LRRFIP1: variants seen among roughly 807,000 people sequenced by gnomAD.
LRRFIP1 encodes LRR binding FLII interacting protein 1, also known as leucine-rich repeat flightless-interacting protein 1.
Under a neutral mutation model 104.4 loss-of-function variants are expected in LRRFIP1, and 62 were observed. The ratio of observed to expected loss-of-function variants is 0.59; its 90% confidence interval spans 0.48 to 0.73. The LOEUF (loss-of-function observed/expected upper bound fraction) is 0.73, where lower values mean the gene tolerates loss of function less well. LRRFIP1 is among the 30% of genes least tolerant of loss of function. LRRFIP1 has a pLI of 0.00. For missense variants in LRRFIP1, 796 were observed against 824.5 expected (o/e 0.97, Z 0.42); for synonymous variants, 300 against 299.0 (o/e 1.00, Z -0.03).
intron 11 of LRRFIP1, among the ~76,000 whole-genome samples, chr2:237,740,955 G>A (rs1288973630): frequency 1.3e-5 from 2 of 152,310 alleles, no homozygotes; most frequent in African/African-American, 2.4e-5. Flanking sequence ...GCATTGCAAC[G>A]CCAGCGCCTC....
In LRRFIP1 at chr2:237,771,560, CCCCCCG is replaced by C. The variant is rs377491617; in HGVS notation, c.1510-517_1510-512del. Reference sequence around the variant, plus strand: ...GGGGTCCTGGAACCAATCCCCCCCCCCCCCCGCCCAGATACCAAGGGACAACTGGAC... The same window carrying C: ...GGGGTCCTGGAACCAATCCCCCCCCCCCCAGATACCAAGGGACAACTGGAC... On this transcript the variant is annotated intron_variant, in intron 20 of 23. Transcript: ENST00000308482. Among the ~76,000 whole-genome samples the C allele has an allele frequency of 6.2e-4, 58 of 93,176 alleles. 2 individuals carry two copies. The highest frequency in any genetic ancestry group is 1.8e-3 in the African/African-American group (42 of 23,414). The allele number at this position is 93,176 out of a possible 152,430, so 61.1% of individuals were successfully genotyped here.
intron 1 of LRRFIP1, among the ~76,000 whole-genome samples, chr2:237,642,513 G>A (rs941106328): frequency 6.0e-5 from 9 of 148,952 alleles, no homozygotes; most frequent in Non-Finnish European, 1.0e-4. Flanking sequence ...TTCAGGTTCC[G>A]GGTTCCAGGC....
At chr2:237,744,610 G>A (rs538579209) in intron 11 of LRRFIP1, among the ~76,000 whole-genome samples, 8 of 152,344 alleles carry the variant, frequency 5.3e-5, no homozygotes, top group African/African-American at 1.7e-4. Flanking sequence ...GAAACTTGAC[G>A]TAAACTAAAC....
intron 3 of LRRFIP1, among the ~76,000 whole-genome samples, chr2:237,714,695 A>C (rs1271123321): frequency 6.6e-6 from 1 of 152,250 alleles, no homozygotes; most frequent in Non-Finnish European, 1.5e-5. Context: ...TATTGAGTTA[A>C]AAATCTGAGT....
chr2:237,756,064 A>G (rs747676366), intron 15 of LRRFIP1, 31 bp from the exon 16 acceptor site: 60 of 1,499,254 alleles, frequency 4.0e-5, no homozygotes, highest in Non-Finnish European at 5.5e-5. Context: ...ATGGGATTCC[A>G]CTGCTTTAGT....
intron 1 of LRRFIP1, among the ~76,000 whole-genome samples, chr2:237,646,000 G>C (rs535853161): frequency 6.6e-6 from 1 of 151,880 alleles, no homozygotes; most frequent in Non-Finnish European, 1.5e-5. Flanking sequence ...GTTCCTCGCC[G>C]TGGGGACTCT....
At chr2:237,639,716 CTTCAT>C (rs2083640596) in intron 1 of LRRFIP1, among the ~76,000 whole-genome samples, 1 of 152,176 alleles carries the variant, frequency 6.6e-6, no homozygotes, top group Admixed American at 6.5e-5. Flanking sequence ...TCTTCCAACT[CTTCAT>C]TTCAACATCT....
At chr2:237,737,960 A>G (rs1033311436) in intron 10 of LRRFIP1, among the ~76,000 whole-genome samples, 15 of 152,188 alleles carry the variant, frequency 9.9e-5, no homozygotes, top group Non-Finnish European at 1.9e-4. Flanking sequence ...AATGCTTTCA[A>G]TTGACATTTG....
At chr2:237,749,065 C>G in intron 12 of LRRFIP1, 134 bp from the exon 13 acceptor site, 3 of 841,886 alleles carry the variant, frequency 3.6e-6, no homozygotes, top group East Asian at 2.8e-5. Flanking sequence ...GGGAAACTGC[C>G]CCCGTGATCC....
chr2:237,757,458 A>T lies in LRRFIP1; in HGVS notation c.1134A>T (p.Glu378Asp), dbSNP rs1316304698. 2.5e-6 allele frequency: 4 copies of T among 1,584,692 alleles called. No homozygotes were observed. The highest frequency in any genetic ancestry group is 3.4e-6 in the Non-Finnish European group (4 of 1,164,706). The change falls in exon 17 of 24, where the codon GAA becomes GAT. Residue 378 changes from glutamate (E) to aspartate (D), a missense_variant and splice_region_variant. By Grantham distance (45) the Glu-to-Asp change is conservative. Transcript: ENST00000308482. ...TTTCTGTCTGTTCCTTTCCTCAGGA[A>T]ATCCGACAGCTACAGCAGAAACAGG... Reference protein sequence around the residue: ...ALKQREEMLEEIRQLQQKQAS... With the variant: ...ALKQREEMLEDIRQLQQKQAS...
Position 237,753,469 on chromosome 2 carries a change from A to G in LRRFIP1, c.1028A>G (p.Glu343Gly). 1 of 1,587,416 alleles carries G rather than the reference A, an allele frequency of 6.3e-7. No homozygotes were observed. Among genetic ancestry groups the G allele is most frequent in the East Asian group, 2.2e-5 (1 of 44,490 alleles). The part of the protein sequence containing the change: ...QLAESRRQYE[E>G]KNKEFEREKH... The stretch of plus-strand genomic sequence containing the variant: ...GCTGAATCTAGGCGGCAGTACGAAG[A>G]GAAAAACAAAGTAAGCATTAGTATG... Residue 343 changes from glutamate to glycine, a missense_variant, in exon 15 of 24, where the codon GAG becomes GGG. Physicochemically the swap from Glu to Gly is moderately conservative, Grantham distance 98. Coordinates refer to ENST00000308482, the MANE Select transcript of LRRFIP1 (RefSeq NM_001137550.2).
At chr2:237,648,898 C>T (rs1369368950) in intron 1 of LRRFIP1, among the ~76,000 whole-genome samples, 1 of 151,946 alleles carries the variant, frequency 6.6e-6, no homozygotes, top group Non-Finnish European at 1.5e-5. Flanking sequence ...GAAAGCCTCC[C>T]ATCTTTTCAG....
intron 1 of LRRFIP1, among the ~76,000 whole-genome samples, chr2:237,643,849 C>T (rs923037913): frequency 1.3e-5 from 2 of 152,318 alleles, no homozygotes; most frequent in South Asian, 2.1e-4. Context: ...TGTCAGAAAT[C>T]GCTTACATAT....
At chr2:237,644,528 G>A (rs769851085) in intron 1 of LRRFIP1, among the ~76,000 whole-genome samples, 1 of 152,202 alleles carries the variant, frequency 6.6e-6, no homozygotes, top group South Asian at 2.1e-4. Flanking sequence ...TTGGGTTAGA[G>A]GCGGGTGGCA....
intron 1 of LRRFIP1, among the ~76,000 whole-genome samples, chr2:237,674,101 G>T (rs1418604814): frequency 6.6e-6 from 1 of 152,200 alleles, no homozygotes; most frequent in East Asian, 1.9e-4. Flanking sequence ...GGACTCAGGG[G>T]GCAGCAGGAA....
intron 8 of LRRFIP1, 121 bp downstream of exon 8, chr2:237,728,056 G>T (rs2094836211): frequency 6.3e-6 from 4 of 639,892 alleles, no homozygotes; most frequent in Non-Finnish European, 1.0e-5. Context: ...TTTAAAATCG[G>T]TCTGTCTTTT....
chr2:237,727,855 CTCTTT>C lies in LRRFIP1; in HGVS notation c.385-16_385-12del. 2.5e-6 allele frequency: 4 copies of C among 1,589,918 alleles called. No homozygotes were observed. The highest frequency in any genetic ancestry group is 2.6e-6 in the Non-Finnish European group (3 of 1,164,070). ...CATTTGTGTACTGATGTCAGTTTTT[CTCTTT>C]TCTTCATTGAAACAGACAAATGGTT... On this transcript the variant is annotated splice_polypyrimidine_tract_variant and intron_variant, in intron 7 of 23. Coordinates refer to ENST00000308482, the MANE Select transcript of LRRFIP1 (RefSeq NM_001137550.2).
At chr2:237,733,473 TCATCCCCTGAC>T (rs1400261504) in intron 8 of LRRFIP1, among the ~76,000 whole-genome samples, 1 of 152,246 alleles carries the variant, frequency 6.6e-6, no homozygotes, top group Non-Finnish European at 1.5e-5. Context: ...CCATTCTGTC[TCATCCCCTGAC>T]CCTTTCTTCC....
At chr2:237,714,944 G>T (rs965994507) in intron 3 of LRRFIP1, among the ~76,000 whole-genome samples, 1 of 152,198 alleles carries the variant, frequency 6.6e-6, no homozygotes, top group Non-Finnish European at 1.5e-5. Context: ...TGTATACACG[G>T]GAGTCTTTCC....
Sources: gnomAD v4.1 joint callset for allele counts (sites outside exome capture counted in the v4.1 genomes callset) on GRCh38, gnomAD v4.1.1 for gene constraint, MANE v1.5 for transcripts, NCBI Gene and HGNC (gene_info 2026-07-23, HGNC 2026-07-21) for gene names.